Variants in TRDN observed in about 807,000 individuals in gnomAD.
TRDN encodes the protein triadin in skeletal muscle.
Under a neutral mutation model 149.7 loss-of-function variants are expected in TRDN, and 161 were observed. The ratio of observed to expected loss-of-function variants is 1.08; its 90% CI spans 0.95 to 1.23. TRDN has a LOEUF of 1.23. TRDN is among the 50% of genes most tolerant of loss of function. The pLI, the probability that TRDN is intolerant of heterozygous loss-of-function variation, is 0.00. For missense variants in TRDN, 896 were observed against 823.5 expected (o/e 1.09, Z -1.08); for synonymous variants, 294 against 250.5 (o/e 1.17, Z -1.64).
At position 123,392,388 on chromosome 6, in the gene TRDN, C is replaced by T. The variant is rs1383453906; in HGVS notation, c.1105+1236G>A. The stretch of plus-strand genomic sequence containing the variant: ...CTTGCCTCAAGTCGTAGTTCCACAT[C>T]TACACTATGGTCCTCAGAAGTCTCA... On this transcript the variant is annotated intron_variant, in intron 13 of 40. Transcript: ENST00000334268. 2.0e-5 allele frequency among the ~76,000 whole-genome samples: 3 copies of T among 151,982 alleles called. No individual in the cohort carries two copies. In the South Asian group the frequency reaches 6.2e-4, roughly 31 times the overall value.
chr6:123,598,817 G>C (rs1352435316), intron 1 of TRDN, among the ~76,000 whole-genome samples: 1 of 152,042 alleles, frequency 6.6e-6, no homozygotes, highest in Non-Finnish European at 1.5e-5. Context: ...ATCTAGAAAA[G>C]TAACTGACAT....
chr6:123,584,652 G>A (rs185655248), intron 1 of TRDN, among the ~76,000 whole-genome samples: 187 of 152,300 alleles, frequency 1.2e-3, no homozygotes, highest in Non-Finnish European at 2.2e-3. Flanking sequence ...GGGGCTGTCT[G>A]TGAAGCCTTG....
chr6:123,372,644 A>G (rs1781365253), intron 19 of TRDN, among the ~76,000 whole-genome samples: 2 of 152,092 alleles, frequency 1.3e-5, no homozygotes, highest in African/African-American at 4.8e-5. Context: ...GTGATCCTTG[A>G]TGTGATCATT....
chr6:123,316,469 T>C lies in TRDN; in HGVS notation c.1498A>G (p.Met500Val). 1 of 1,610,466 alleles carries C rather than the reference T, an allele frequency of 6.2e-7. No individual in the cohort carries two copies. Among genetic ancestry groups the C allele is most frequent in the South Asian group, 1.1e-5 (1 of 90,958 alleles). ...KEPETKKDEK[M>V]SKAGKEVKPK... ...AAAATATCCTTACCTGCTTTGGACA[T>C]CTTTTCATCTTTTTTAGTTTCAGGT... is the stretch of plus-strand genomic sequence containing the variant. The change falls in exon 24 of 41, where the codon ATG (methionine) becomes GTG (valine). Residue 500 changes from methionine to valine, a missense_variant. Transcript: ENST00000334268.
At chr6:123,233,522 G>A (rs1302408714) in intron 38 of TRDN, among the ~76,000 whole-genome samples, 1 of 152,022 alleles carries the variant, frequency 6.6e-6, no homozygotes, top group African/African-American at 2.4e-5. Flanking sequence ...GGCAATGTCA[G>A]AACAACTTAA....
chr6:123,341,213 C>G (rs1391304640), intron 21 of TRDN, among the ~76,000 whole-genome samples: 3 of 150,810 alleles, frequency 2.0e-5, no homozygotes, highest in African/African-American at 7.3e-5. Context: ...AATTTGAATT[C>G]TTCTGAAAGA....
intron 12 of TRDN, among the ~76,000 whole-genome samples, chr6:123,397,139 T>C (rs140041593): frequency 6.6e-6 from 1 of 152,290 alleles, no homozygotes; most frequent in East Asian, 1.9e-4. Context: ...AACAATGTTA[T>C]TCAAATACCT....
chr6:123,222,402 C>T lies in TRDN; in HGVS notation c.2015-880G>A, dbSNP rs79882824. On this transcript the variant is annotated intron_variant, in intron 39 of 40. Transcript: ENST00000334268. ...CTCAGATATTTAATTCTAGGGAGAC[C>T]TACAGTTGATCTGTATAAACATTAA... Among the ~76,000 whole-genome samples, 1,933 of 151,562 alleles carry T rather than the reference C, an allele frequency of 0.013. 120 individuals are homozygous for T. The East Asian group carries it at 0.15, about 12-fold the overall frequency.
rs1463057031 is a variant in TRDN, at chr6:123,243,069, C to T, written c.1975+9343G>A. ...GGCCTGGCACTTTCATGATGTGCCC[C>T]GAAGACAAATTCCACTGTTGCTGCT... On this transcript the variant is annotated intron_variant, in intron 38 of 40. Transcript: ENST00000334268. 9.2e-5 allele frequency among the ~76,000 whole-genome samples: 14 copies of T among 152,088 alleles called. No homozygotes were observed. In the East Asian group the frequency reaches 9.7e-4, roughly 11 times the overall value.
chr6:123,551,040 T>G (rs1040355426), intron 2 of TRDN, among the ~76,000 whole-genome samples: 1 of 151,672 alleles, frequency 6.6e-6, no homozygotes, highest in Non-Finnish European at 1.5e-5. Flanking sequence ...TTATACCTAA[T>G]GGAAAAATCT....
chr6:123,237,596 A>T (rs1775838054), intron 38 of TRDN, among the ~76,000 whole-genome samples: 1 of 152,196 alleles, frequency 6.6e-6, no homozygotes, highest in Non-Finnish European at 1.5e-5. Context: ...TTTTGTGTTT[A>T]TACAGGTTTT....
At chr6:123,622,962 AT>A (rs1256745406) in intron 1 of TRDN, among the ~76,000 whole-genome samples, 6 of 152,052 alleles carry the variant, frequency 3.9e-5, no homozygotes, top group Non-Finnish European at 2.9e-5. Context: ...CTATCGGGCA[AT>A]TTTGCAAAGC....
Position 123,499,703 on chromosome 6 carries a change from C to CAA in TRDN, c.794-2453_794-2452dup, listed in dbSNP as rs775014014. 1.1e-3 allele frequency among the ~76,000 whole-genome samples: 26 copies of CAA among 22,812 alleles called. 2 individuals carry two copies. Among genetic ancestry groups the CAA allele is most frequent in the Admixed American group, 5.1e-3 (6 of 1,174 alleles). 15.0% of individuals were successfully genotyped at this position (22,812 alleles called of 152,430 possible). Reference sequence around the variant, plus strand: ...TGGGCAACATAGTGAGATTCTGGCTCAAAAAAAAAAAAAAAAATATATATA... The same window carrying CAA: ...TGGGCAACATAGTGAGATTCTGGCTCAAAAAAAAAAAAAAAAAAATATATATA... On this transcript the variant is annotated intron_variant, in intron 8 of 40. Coordinates refer to ENST00000334268, the MANE Select transcript of TRDN (RefSeq NM_006073.4).
chr6:123,628,479 G>A (rs1168480890), intron 1 of TRDN, among the ~76,000 whole-genome samples: 4 of 151,890 alleles, frequency 2.6e-5, no homozygotes, highest in East Asian at 1.9e-4. Flanking sequence ...ACAGATCACC[G>A]AAACAGACAT....
Position 123,427,377 on chromosome 6 carries a change from T to A in TRDN, c.1051+10686A>T, listed in dbSNP as rs183881479. On this transcript the variant is annotated intron_variant, in intron 12 of 40. Transcript: ENST00000334268. ...AATAATAATAACTTCACTTCAAAAT[T>A]TAAATAATCTAGACATTAGTTTCAT... is the stretch of plus-strand genomic sequence containing the variant. Among the ~76,000 whole-genome samples, 149 of 152,126 alleles carry A rather than the reference T, an allele frequency of 9.8e-4. 1 individual carries two copies. The South Asian group carries it at 0.022, about 22-fold the overall frequency.
At chr6:123,534,861 T>C (rs4454156) in intron 4 of TRDN, among the ~76,000 whole-genome samples, 123,763 of 151,682 alleles carry the variant, frequency 0.82, 51,144 homozygotes, top group East Asian at 1. Context: ...AGGATCACTT[T>C]ACTTAAACCT....
chr6:123,252,376 C>A, intron 38 of TRDN, 36 bp downstream of exon 38: 2 of 1,364,574 alleles, frequency 1.5e-6, no homozygotes, highest in Admixed American at 2.1e-5. Flanking sequence ...TACTATGTAT[C>A]AAAGAGAACT....
chr6:123,540,712 G>A (rs560032062), intron 4 of TRDN, among the ~76,000 whole-genome samples: 8 of 152,212 alleles, frequency 5.3e-5, no homozygotes, highest in Admixed American at 4.6e-4. Flanking sequence ...TGAAGACGGT[G>A]TTTCACCTTG....
chr6:123,507,792 T>C (rs1778995410), intron 7 of TRDN, among the ~76,000 whole-genome samples: 1 of 152,200 alleles, frequency 6.6e-6, no homozygotes, highest in Admixed American at 6.6e-5. Flanking sequence ...TCAGCATATT[T>C]GATTCAATCT....
Sources: gnomAD v4.1 joint callset for allele counts (sites outside exome capture counted in the v4.1 genomes callset) on GRCh38, gnomAD v4.1.1 for gene constraint, MANE v1.5 for transcripts, NCBI Gene and HGNC (gene_info 2026-07-23, HGNC 2026-07-21) for gene names.